The following SPAG1 variants were observed in gnomAD, a reference collection of about 807,000 sequenced individuals.
SPAG1 encodes the protein sperm associated antigen 1, also known as sperm-associated antigen 1.
In SPAG1, 69 loss-of-function variants were observed where a neutral mutation model predicts 100.5. The observed-to-expected ratio is 0.69, with a 90% CI of 0.57 to 0.84. SPAG1 has a LOEUF of 0.84. Ranked by LOEUF, SPAG1 falls within the 40% of genes least tolerant of loss-of-function variation. The pLI, the probability that SPAG1 is intolerant of heterozygous loss-of-function variation, is 0.00. For synonymous variants in SPAG1, 336 were observed against 411.6 expected (o/e 0.82, Z 2.22); for missense variants, 955 against 1,133.1 (o/e 0.84, Z 2.26).
At position 100,214,872 on chromosome 8, in the gene SPAG1, C is replaced by G. The variant is rs577080810; in HGVS notation, c.1535+954C>G. On this transcript the variant is annotated intron_variant, in intron 12 of 18. Transcript: ENST00000388798. Reference sequence around the variant, plus strand: ...GCATACCCTTGTAGTCTCAGCTACTCGGGAGGCTGAAGCAGGAAAATTGCT... The same window carrying G: ...GCATACCCTTGTAGTCTCAGCTACTGGGGAGGCTGAAGCAGGAAAATTGCT... 1.4e-4 allele frequency among the ~76,000 whole-genome samples: 21 copies of G among 151,254 alleles called. 1 individual carries two copies. The highest frequency in any genetic ancestry group is 4.6e-4 in the African/African-American group (19 of 41,228).
chr8:100,233,776 G>T (rs560697522), intron 16 of SPAG1, among the ~76,000 whole-genome samples: 223 of 152,294 alleles, frequency 1.5e-3, no homozygotes, highest in African/African-American at 5.2e-3. Context: ...TTATTCTCTA[G>T]TTTTCTGAGG....
Position 100,240,638 on chromosome 8 carries a change from T to C in SPAG1, c.2516T>C (p.Met839Thr), listed in dbSNP as rs1378844866. Residue 839 changes from methionine to threonine, a missense_variant, in exon 18 of 19, where the codon ATG becomes ACG. Coordinates refer to ENST00000388798, the MANE Select transcript of SPAG1 (RefSeq NM_003114.5). ...LAITAPKDLP[M>T]FLSNKLEGDT... ...ATCACTGCACCAAAAGATTTGCCGATGTTTTTAAGTAACAAACTTGAAGGG... is the reference window on the plus strand; with the variant it reads ...ATCACTGCACCAAAAGATTTGCCGACGTTTTTAAGTAACAAACTTGAAGGG... 2.5e-6 allele frequency: 4 copies of C among 1,614,214 alleles called. No homozygotes were observed. The highest frequency in any genetic ancestry group is 2.5e-6 in the Non-Finnish European group (3 of 1,180,026).
At chr8:100,179,210 C>G (rs1265440686) in intron 4 of SPAG1, among the ~76,000 whole-genome samples, 2 of 151,986 alleles carry the variant, frequency 1.3e-5, no homozygotes, top group Non-Finnish European at 2.9e-5. Flanking sequence ...TGGTGAAACC[C>G]CATCTGTACT....
intron 16 of SPAG1, among the ~76,000 whole-genome samples, chr8:100,234,878 G>A (rs4734454): frequency 6.6e-6 from 1 of 152,154 alleles, no homozygotes; most frequent in Admixed American, 6.5e-5. Flanking sequence ...AGGGTAAATG[G>A]TGGTGTAATG....
chr8:100,183,517 A>C, intron 5 of SPAG1, 81 bp downstream of exon 5: 1 of 671,934 alleles, frequency 1.5e-6, no homozygotes, highest in South Asian at 1.9e-5. Context: ...TTCTTAAATA[A>C]TTATTATAAA....
In SPAG1 at chr8:100,213,115, G is replaced by C; in HGVS notation, c.1122G>C (p.Ala374=). The C allele has an allele frequency of 6.7e-7, 1 of 1,481,916 alleles. No homozygotes were observed. Among genetic ancestry groups the C allele is most frequent in the Non-Finnish European group, 8.9e-7 (1 of 1,123,616 alleles). 91.8% of individuals were successfully genotyped at this position (1,481,916 alleles called of 1,614,324 possible). A position where few individuals can be genotyped will look rare whatever the true frequency, so the allele number is the denominator to read the frequency against. Residue 374 remains alanine (A), a synonymous_variant, in exon 11 of 19, where the codon GCG becomes GCC. Coordinates refer to ENST00000388798, the MANE Select transcript of SPAG1 (RefSeq NM_003114.5). ...DKKPAEPAGA[A]RAAQPCVMGN... is the part of the protein sequence containing the mutation. The stretch of plus-strand genomic sequence containing the variant: ...AGCCCGCGGAGCCGGCGGGAGCCGC[G>C]CGCGCCGCCCAGCCGTGCGTCATGG...
chr8:100,200,734 A>G (rs975737345), intron 10 of SPAG1, among the ~76,000 whole-genome samples: 4 of 152,188 alleles, frequency 2.6e-5, no homozygotes, highest in Non-Finnish European at 5.9e-5. Context: ...TGTTGGCTGC[A>G]TAAATGTCTT....
chr8:100,211,736 T>G (rs374466560), intron 10 of SPAG1, among the ~76,000 whole-genome samples: 1 of 152,366 alleles, frequency 6.6e-6, no homozygotes, highest in African/African-American at 2.4e-5. Flanking sequence ...TAGAGCGCAT[T>G]CCTTAGCTTC....
chr8:100,233,671 G>T, intron 16 of SPAG1, 134 bp downstream of exon 16: 7 of 834,690 alleles, frequency 8.4e-6, no homozygotes, highest in South Asian at 4.3e-5. Context: ...GTACTAACCA[G>T]TTCTAAAACC....
In SPAG1 at chr8:100,172,640, G is replaced by A. The variant is rs546496586; in HGVS notation, c.301-5176G>A. On this transcript the variant is annotated intron_variant, in intron 3 of 18. Transcript: ENST00000388798. ...GCCTAAAAAAAAGAAATATATGTGT[G>A]TGTGTGTGTGTGTGTGTGTGTGTGT... 4.8e-3 allele frequency among the ~76,000 whole-genome samples: 706 copies of A among 146,366 alleles called. 6 individuals are homozygous for A. Among genetic ancestry groups the A allele is most frequent in the African/African-American group, 0.018 (689 of 39,062 alleles).
rs1469058766 is a variant in SPAG1, at chr8:100,210,303, G to C, written c.1097-2787G>C. 2.6e-5 allele frequency among the ~76,000 whole-genome samples: 4 copies of C among 151,706 alleles called. No individual in the cohort carries two copies. The East Asian group carries it at 7.7e-4, about 29-fold the overall frequency. On this transcript the variant is annotated intron_variant, in intron 10 of 18. Coordinates refer to ENST00000388798, the MANE Select transcript of SPAG1 (RefSeq NM_003114.5). ...ACTTTTTCTGTTAATGAGGTGTGTT[G>C]GCATTGATTGATTTTCTAATGCTGA...
intron 4 of SPAG1, among the ~76,000 whole-genome samples, chr8:100,182,186 A>G (rs1192171895): frequency 6.6e-6 from 1 of 152,154 alleles, no homozygotes; most frequent in Non-Finnish European, 1.5e-5. Context: ...AAAAAATTGT[A>G]CCCTCTCTGG....
chr8:100,216,195 A>G lies in SPAG1; in HGVS notation c.1535+2277A>G, dbSNP rs575507998. On this transcript the variant is annotated intron_variant, in intron 12 of 18. Transcript: ENST00000388798. Reference sequence around the variant, plus strand: ...ACCAGTGCTCCTAACAGACCAGACCATGTGAATTTGTTGGATACCAAGCCC... The same window carrying G: ...ACCAGTGCTCCTAACAGACCAGACCGTGTGAATTTGTTGGATACCAAGCCC... 1.4e-4 allele frequency among the ~76,000 whole-genome samples: 21 copies of G among 152,200 alleles called. 1 individual carries two copies. The highest frequency in any genetic ancestry group is 4.6e-4 in the African/African-American group (19 of 41,532).
At chr8:100,175,500 A>T (rs889708215) in intron 3 of SPAG1, among the ~76,000 whole-genome samples, 1 of 151,906 alleles carries the variant, frequency 6.6e-6, no homozygotes, top group African/African-American at 2.4e-5. Flanking sequence ...GTTAGCCAGG[A>T]TGGTCTCAAT....
At chr8:100,168,898 G>C (rs1021439943) in intron 3 of SPAG1, among the ~76,000 whole-genome samples, 8 of 151,570 alleles carry the variant, frequency 5.3e-5, no homozygotes, top group Non-Finnish European at 1.0e-4. Context: ...TGTTGGTCAG[G>C]CTGGTCTCGA....
chr8:100,189,176 T>TAA (rs113314634), intron 8 of SPAG1, among the ~76,000 whole-genome samples: 2 of 125,000 alleles, frequency 1.6e-5, no homozygotes, highest in African/African-American at 3.0e-5. Flanking sequence ...TACTAAAAAT[T>TAA]AAAAAAAAAA....
At chr8:100,196,830 G>C (rs779849548) in intron 10 of SPAG1, among the ~76,000 whole-genome samples, 1 of 152,026 alleles carries the variant, frequency 6.6e-6, no homozygotes, top group South Asian at 2.1e-4. Flanking sequence ...GTTCGGGCTA[G>C]AGTGCAGAGG....
At chr8:100,167,023 C>A (rs1487432801) in intron 3 of SPAG1, among the ~76,000 whole-genome samples, 1 of 152,048 alleles carries the variant, frequency 6.6e-6, no homozygotes, top group Non-Finnish European at 1.5e-5. Context: ...CATACACCAC[C>A]CCCAACAGTG....
Position 100,213,489 on chromosome 8 carries a change from G to C in SPAG1, c.1435+61G>C, listed in dbSNP as rs537266464. On this transcript the variant is annotated intron_variant, in intron 11 of 18. Coordinates refer to ENST00000388798, the MANE Select transcript of SPAG1 (RefSeq NM_003114.5). ...TCGCGCTGCGGTTCACCCGACCTCCGGGGCCCCCGTGGGAGAGGCGCTGCC... is the reference window on the plus strand; with the variant it reads ...TCGCGCTGCGGTTCACCCGACCTCCCGGGCCCCCGTGGGAGAGGCGCTGCC... 6.2e-5 allele frequency: 79 copies of C among 1,283,392 alleles called. No individual in the cohort carries two copies. In the South Asian group the frequency reaches 1.3e-3, roughly 21 times the overall value. 79.5% of individuals were successfully genotyped at this position (1,283,392 alleles called of 1,614,324 possible).
Sources: gnomAD v4.1 joint callset for allele counts (sites outside exome capture counted in the v4.1 genomes callset) on GRCh38, gnomAD v4.1.1 for gene constraint, MANE v1.5 for transcripts, NCBI Gene and HGNC (gene_info 2026-07-23, HGNC 2026-07-21) for gene names.